The following CYP24A1 variants were observed in gnomAD, a reference collection of about 807,000 sequenced individuals.
CYP24A1 encodes the protein 1,25-dihydroxyvitamin D(3) 24-hydroxylase, mitochondrial.
A neutral mutation model predicts 62.4 loss-of-function variants in CYP24A1; 68 were observed. The ratio of observed to expected loss-of-function variants is 1.09; its 90% confidence interval spans 0.90 to 1.33. CYP24A1 has a LOEUF of 1.33. Among genes scored for constraint, CYP24A1 ranks in the 40% most tolerant of loss-of-function variants. The probability of loss-of-function intolerance (pLI) is 0.00; values close to 1 mark genes in which losing one functional copy is unlikely to be tolerated. For missense variants in CYP24A1, 787 were observed against 653.0 expected, an observed-to-expected ratio of 1.21 and a Z score of -2.24; for synonymous variants, 267 against 253.0, an observed-to-expected ratio of 1.06 and a Z score of -0.52.
At chr20:54,170,572 A>G (rs916613456) in intron 3 of CYP24A1, among the ~76,000 whole-genome samples, 1 of 152,064 alleles carries the variant, frequency 6.6e-6, no homozygotes, top group Non-Finnish European at 1.5e-5. Flanking sequence ...ATTAAAAAAA[A>G]CAAGAGGTTT....
chr20:54,165,769 A>T lies in CYP24A1; in HGVS notation c.705T>A (p.Ala235=), dbSNP rs1244450087. The change falls in exon 5 of 12, where the codon GCT becomes GCA. Residue 235 remains alanine, a synonymous_variant. Coordinates refer to ENST00000216862, the MANE Select transcript of CYP24A1 (RefSeq NM_000782.5). ...GLLQKNAGDE[A]VNFIMAIKTM... The stretch of plus-strand genomic sequence containing the variant: ...TTTTGATGGCCATGATGAAGTTCAC[A>T]GCTTCATCCCCTGCATTCTTCTGGA... The T allele has an allele frequency of 6.5e-7, 1 of 1,530,394 alleles. No homozygotes were observed. The highest frequency in any genetic ancestry group is 1.1e-5 in the South Asian group (1 of 89,500). 94.8% of individuals were successfully genotyped at this position (1,530,394 alleles called of 1,614,324 possible). A position where few individuals can be genotyped will look rare whatever the true frequency, so the allele number is the denominator to read the frequency against.
intron 9 of CYP24A1, among the ~76,000 whole-genome samples, 165 bp downstream of exon 9, chr20:54,157,921 C>T (rs117729673): frequency 6.0e-4 from 91 of 152,342 alleles, no homozygotes; most frequent in Non-Finnish European, 1.1e-3. Context: ...TCTCCATAGC[C>T]GTGAATTCTA....
the CYP24A1 span, among the ~76,000 whole-genome samples, chr20:54,145,355 G>T: frequency 1.3e-5 from 2 of 151,756 alleles, no homozygotes; most frequent in Non-Finnish European, 2.9e-5. Flanking sequence ...TACTTGTTTT[G>T]TTCTTTTGTT....
intron 11 of CYP24A1, among the ~76,000 whole-genome samples, chr20:54,155,751 A>G (rs76484415): frequency 1.3e-5 from 2 of 151,786 alleles, no homozygotes; most frequent in African/African-American, 4.8e-5. Flanking sequence ...AAAAAAAAAA[A>G]AAAAAAAATT....
chr20:54,161,835 A>G (rs969471298), intron 7 of CYP24A1, among the ~76,000 whole-genome samples: 1 of 152,158 alleles, frequency 6.6e-6, no homozygotes, highest in Admixed American at 6.5e-5. Flanking sequence ...TGATAGAGAA[A>G]ACCCTACCTT....
chr20:54,152,870 G>A (rs2092614782), downstream of CYP24A1, among the ~76,000 whole-genome samples: 1 of 152,208 alleles, frequency 6.6e-6, no homozygotes, highest in African/African-American at 2.4e-5. Context: ...GAACAGAGGG[G>A]AAGGAAGCAA....
In CYP24A1 at chr20:54,173,249, C is replaced by T. The variant is rs1001535637; in HGVS notation, c.258+73G>A. The T allele has an allele frequency of 2.0e-6, 3 of 1,529,206 alleles. No homozygotes were observed. Among genetic ancestry groups the T allele is most frequent in the East Asian group, 2.3e-5 (1 of 44,050 alleles). The allele number at this position is 1,529,206 out of a possible 1,614,324, so 94.7% of individuals were successfully genotyped here. On this transcript the variant is annotated intron_variant, in intron 1 of 11. Transcript: ENST00000216862. The surrounding 1 kb of genome is among the most constrained non-coding windows in gnomAD (Gnocchi z 7.2). ...CACCATGCGCCCGAGGCGCGCATGT[C>T]GGGGAGGGTTTGGAGCGCCACTGGG...
chr20:54,151,797 T>C (rs1261077759), downstream of CYP24A1, among the ~76,000 whole-genome samples: 1 of 152,020 alleles, frequency 6.6e-6, no homozygotes, highest in Non-Finnish European at 1.5e-5. Context: ...AACCAATCTA[T>C]CTTTGTTGGA....
intron 5 of CYP24A1, among the ~76,000 whole-genome samples, 159 bp downstream of exon 5, chr20:54,165,583 T>A (rs539756383): frequency 2.4e-4 from 37 of 152,176 alleles, no homozygotes; most frequent in Non-Finnish European, 4.7e-4. Context: ...TATATGCACA[T>A]AAATATACTA....
chr20:54,146,467 T>C, the CYP24A1 span, among the ~76,000 whole-genome samples: 1 of 152,084 alleles, frequency 6.6e-6, no homozygotes, highest in Non-Finnish European at 1.5e-5. Flanking sequence ...TGTAGAGAGA[T>C]CTGGGCCAAT....
chr20:54,155,344 T>C lies in CYP24A1; in HGVS notation c.*11-583A>G, dbSNP rs186933519. Among the ~76,000 whole-genome samples, 35 of 152,306 alleles carry C rather than the reference T, an allele frequency of 2.3e-4. 1 individual carries two copies. In the East Asian group the frequency reaches 5.2e-3, roughly 23 times the overall value. Reference sequence around the variant, plus strand: ...GCCATTGGCAAACAGCATTTTTTTCTAGGAAAATCCTAGAAGGTGCTGCTA... The same window carrying C: ...GCCATTGGCAAACAGCATTTTTTTCCAGGAAAATCCTAGAAGGTGCTGCTA... On this transcript the variant is annotated intron_variant, in intron 11 of 11. Coordinates refer to ENST00000216862, the MANE Select transcript of CYP24A1 (RefSeq NM_000782.5).
chr20:54,173,203 C>G lies in CYP24A1; in HGVS notation c.259-104G>C. 1 of 1,532,454 alleles carries G rather than the reference C, an allele frequency of 6.5e-7. No homozygotes were observed. Among genetic ancestry groups the G allele is most frequent in the Non-Finnish European group, 9.0e-7 (1 of 1,116,428 alleles). 94.9% of individuals were successfully genotyped at this position (1,532,454 alleles called of 1,614,324 possible). On this transcript the variant is annotated intron_variant, in intron 1 of 11. Coordinates refer to ENST00000216862, the MANE Select transcript of CYP24A1 (RefSeq NM_000782.5). This position sits in a 1 kb window ranked among gnomAD's most constrained non-coding sequence, Gnocchi z 7.2. ...TTCCTCCTAGGGGACCGGGGACCCT[C>G]CCTGCCCAGACGCCGAAGCGCACCA...
chr20:54,172,704 G>T, intron 2 of CYP24A1: 1 of 1,232,850 alleles, frequency 8.1e-7, no homozygotes, highest in Non-Finnish European at 1.1e-6. Flanking sequence ...CAGGTGCTGG[G>T]TGCACAGCAC....
At chr20:54,165,528 C>T (rs1206446396) in intron 5 of CYP24A1, among the ~76,000 whole-genome samples, 1 of 152,166 alleles carries the variant, frequency 6.6e-6, no homozygotes, top group African/African-American at 2.4e-5. Flanking sequence ...AAATTGTCTT[C>T]CACGAAACTG....
intron 7 of CYP24A1, among the ~76,000 whole-genome samples, chr20:54,160,026 A>G (rs981319396): frequency 2.0e-5 from 3 of 152,232 alleles, no homozygotes; most frequent in Non-Finnish European, 2.9e-5. Flanking sequence ...AGAGAATGTT[A>G]TAGTGGAAAT....
Position 54,153,786 on chromosome 20 carries a change from T to G in CYP24A1, c.*986A>C, listed in dbSNP as rs778847726. ...TGCATTTCTGTGCATTTTACATTTA[T>G]GAAATCATATTTTTCCTAGGAGTTC... On this transcript the variant is annotated 3_prime_UTR_variant, in exon 12 of 12. Transcript: ENST00000216862. 1.3e-5 allele frequency: 2 copies of G among 152,658 alleles called. No homozygotes were observed. Among genetic ancestry groups the G allele is most frequent in the African/African-American group, 2.4e-5 (1 of 41,468 alleles). 9.5% of individuals were successfully genotyped at this position (152,658 alleles called of 1,614,324 possible). A position where few individuals can be genotyped will look rare whatever the true frequency, so the allele number is the denominator to read the frequency against.
chr20:54,158,045 C>A, intron 9 of CYP24A1, 41 bp downstream of exon 9: 1 of 1,610,492 alleles, frequency 6.2e-7, no homozygotes, highest in Non-Finnish European at 8.5e-7. Flanking sequence ...AGTGTATCTT[C>A]CAAGGTTTTG....
chr20:54,171,700 C>T (rs2092694676), intron 2 of CYP24A1, 30 bp from the exon 3 acceptor site: 1 of 1,613,790 alleles, frequency 6.2e-7, no homozygotes. Context: ...ACATTTAGAG[C>T]ACACTGAAAA....
downstream of CYP24A1, among the ~76,000 whole-genome samples, chr20:54,152,840 C>A (rs1254445591): frequency 1.3e-5 from 2 of 152,058 alleles, no homozygotes; most frequent in Non-Finnish European, 2.9e-5. Context: ...TTGAAAAGAC[C>A]AGTAAGGCAA....
Sources: gnomAD v4.1 joint callset for allele counts (sites outside exome capture counted in the v4.1 genomes callset) on GRCh38, gnomAD v4.1.1 for gene constraint, Gnocchi (gnomAD v3.1) non-coding constraint, MANE v1.5 for transcripts, NCBI Gene and HGNC (gene_info 2026-07-23, HGNC 2026-07-21) for gene names.